SLC5A6: variants seen among roughly 807,000 people sequenced by gnomAD.
SLC5A6 encodes the protein solute carrier family 5 member 6, also known as sodium-dependent multivitamin transporter.
SLC5A6 carries 31 observed loss-of-function variants against 67.9 expected under a neutral mutation model. The ratio of observed to expected loss-of-function variants is 0.46; its 90% confidence interval spans 0.34 to 0.62. SLC5A6 has a LOEUF of 0.62. Ranked by LOEUF, SLC5A6 falls within the 20% of genes least tolerant of loss-of-function variation. The pLI, the probability that SLC5A6 is intolerant of heterozygous loss-of-function variation, is 0.01. For missense variants in SLC5A6, 673 were observed against 812.8 expected, an observed-to-expected ratio of 0.83 and a Z score of 2.09; for synonymous variants, 343 against 331.0, an observed-to-expected ratio of 1.04 and a Z score of -0.39.
At chr2:27,205,575 G>A in intron 6 of SLC5A6, 71 bp from the exon 7 acceptor site, 2 of 1,547,940 alleles carry the variant, frequency 1.3e-6, no homozygotes. Flanking sequence ...GCCTTATTTT[G>A]TTGTTGCTCC....
At chr2:27,206,702 G>C (rs555721920) in intron 4 of SLC5A6, among the ~76,000 whole-genome samples, 168 bp from the exon 5 acceptor site, 1 of 152,186 alleles carries the variant, frequency 6.6e-6, no homozygotes, top group East Asian at 1.9e-4. Context: ...TATCTGTGCT[G>C]GAATTGGAAG....
intron 7 of SLC5A6, 45 bp from the exon 8 acceptor site, chr2:27,204,976 C>G: frequency 1.2e-6 from 2 of 1,604,920 alleles, no homozygotes. Flanking sequence ...CTGAGAGACA[C>G]AGCCTTCCTG....
At chr2:27,206,192 G>T in intron 5 of SLC5A6, 99 bp from the exon 6 acceptor site, 1 of 1,002,610 alleles carries the variant, frequency 1.0e-6, no homozygotes, top group Non-Finnish European at 1.6e-6. Context: ...ATAAAGCATT[G>T]GTCATTAACA....
upstream of SLC5A6, chr2:27,212,782 T>A: frequency 1.4e-6 from 1 of 707,224 alleles, no homozygotes. Context: ...CCATATATCG[T>A]GCGGTGGTAG....
chr2:27,206,198 T>C (rs1445534497), intron 5 of SLC5A6, 105 bp from the exon 6 acceptor site: 5 of 968,892 alleles, frequency 5.2e-6, no homozygotes, highest in Non-Finnish European at 8.1e-6. Flanking sequence ...CATTGGTCAT[T>C]AACAATGAAA....
At position 27,207,590 on chromosome 2, in the gene SLC5A6, T is replaced by G; in HGVS notation, c.61A>C (p.Met21Leu). The change falls in exon 3 of 17, where the codon ATG becomes CTG. Residue 21 changes from methionine to leucine, a missense_variant. Physicochemically the swap from Met to Leu is conservative, Grantham distance 15. Coordinates refer to ENST00000310574, the MANE Select transcript of SLC5A6 (RefSeq NM_021095.4). This position sits in a 1 kb window ranked among gnomAD's most constrained non-coding sequence, Gnocchi z 5.5. ...TAGTCCATGATGGAGAAGGTAGACA[T>G]GCCCACGCTTGTGCCCGAGGTTGGG... ...LSPTSGTSVG[M>L]STFSIMDYVV... 2 of 1,614,226 alleles carry G rather than the reference T, an allele frequency of 1.2e-6. No homozygotes were observed. Among genetic ancestry groups the G allele is most frequent in the Non-Finnish European group, 1.7e-6 (2 of 1,180,038 alleles).
chr2:27,201,880 C>T (rs1673668371), intron 13 of SLC5A6, 33 bp from the exon 14 acceptor site: 2 of 1,611,828 alleles, frequency 1.2e-6, no homozygotes, highest in Admixed American at 1.7e-5. Context: ...TGTCACAAGG[C>T]CAGTCCTGCC....
chr2:27,203,377 CG>C, intron 10 of SLC5A6, 32 bp from the exon 11 acceptor site: 1 of 1,605,744 alleles, frequency 6.2e-7, no homozygotes, highest in Non-Finnish European at 8.5e-7. Flanking sequence ...AGGAGTTGAG[CG>C]AGGCAAAATT....
At chr2:27,210,597 ATT>A (rs764572434) in intron 2 of SLC5A6, among the ~76,000 whole-genome samples, 14 of 138,752 alleles carry the variant, frequency 1.0e-4, no homozygotes, top group Non-Finnish European at 1.3e-4. Context: ...CGCCCAGCTA[ATT>A]TTTTTTTTTT....
intron 10 of SLC5A6, 131 bp from the exon 11 acceptor site, chr2:27,203,476 T>A: frequency 1.3e-6 from 1 of 775,928 alleles, no homozygotes; most frequent in Non-Finnish European, 2.1e-6. Flanking sequence ...ATAGTTGGAC[T>A]TGATGCCACC....
rs1257450688 is a variant in SLC5A6 at position 27,212,097 on chromosome 2, G to A, written c.-285C>T. 2.1e-6 allele frequency: 3 copies of A among 1,426,742 alleles called. No homozygotes were observed. The highest frequency in any genetic ancestry group is 2.8e-5 in the East Asian group (1 of 36,300). 88.4% of individuals were successfully genotyped at this position (1,426,742 alleles called of 1,614,324 possible). ...GGACGCGGGGAACACCGGGCTGAGGGAGTCTGCAGTCGGCTCCGGGAAGCC... is the reference window on the plus strand; with the variant it reads ...GGACGCGGGGAACACCGGGCTGAGGAAGTCTGCAGTCGGCTCCGGGAAGCC... On this transcript the variant is annotated 5_prime_UTR_variant, in exon 1 of 17. Coordinates refer to ENST00000310574, the MANE Select transcript of SLC5A6 (RefSeq NM_021095.4).
chr2:27,212,394 T>C, upstream of SLC5A6: 2 of 1,551,064 alleles, frequency 1.3e-6, no homozygotes, highest in Non-Finnish European at 1.7e-6. Context: ...CCGGGTAGTC[T>C]TACGACCCTG....
Position 27,207,270 on chromosome 2 carries a change from G to A in SLC5A6, c.381C>T (p.Thr127=). The A allele has an allele frequency of 6.2e-7, 1 of 1,613,908 alleles. No individual in the cohort carries two copies. The highest frequency in any genetic ancestry group is 8.5e-7 in the Non-Finnish European group (1 of 1,180,012). The part of the protein sequence containing the change: ...FIPVFYRLHL[T]SAYEYLELRF... ...TGTCCCTGCTCACCTCATAGGCACT[G>A]GTGAGATGCAGGCGGTAGAAAACGG... The change falls in exon 3 of 17, where the codon ACC becomes ACT. Residue 127 remains threonine (T), a synonymous_variant. Transcript: ENST00000310574. The surrounding 1 kb of genome is among the most constrained non-coding windows in gnomAD (Gnocchi z 5.5).
chr2:27,207,832 G>A lies in SLC5A6; in HGVS notation c.-140-42C>T, dbSNP rs1674187465. 8 of 619,944 alleles carry A rather than the reference G, an allele frequency of 1.3e-5. No individual in the cohort carries two copies. The South Asian group carries it at 1.6e-4, about 12-fold the overall frequency. 38.4% of individuals were successfully genotyped at this position (619,944 alleles called of 1,614,324 possible). A position where few individuals can be genotyped will look rare whatever the true frequency, so the allele number is the denominator to read the frequency against. On this transcript the variant is annotated intron_variant, in intron 2 of 16. Coordinates refer to ENST00000310574, the MANE Select transcript of SLC5A6 (RefSeq NM_021095.4). This position sits in a 1 kb window ranked among gnomAD's most constrained non-coding sequence, Gnocchi z 5.5. Reference sequence around the variant, plus strand: ...TCTTAGTGAGGCCTATCTGGCCTTGGTAGCCATTCACCCTTGGGCCTTGTA... The same window carrying A: ...TCTTAGTGAGGCCTATCTGGCCTTGATAGCCATTCACCCTTGGGCCTTGTA...
At chr2:27,204,743 C>A (rs746143060) in intron 8 of SLC5A6, 48 bp downstream of exon 8, 1 of 1,609,142 alleles carries the variant, frequency 6.2e-7, no homozygotes, top group African/African-American at 1.3e-5. Flanking sequence ...CTCTGGGGAA[C>A]CCCTTCCCCT....
chr2:27,201,958 CAT>C (rs1673675796), intron 13 of SLC5A6, 28 bp downstream of exon 13: 7 of 1,609,504 alleles, frequency 4.3e-6, no homozygotes, highest in South Asian at 3.3e-5. Flanking sequence ...TCCTGCTACA[CAT>C]GACTGTGGAT....
chr2:27,212,273 C>G (rs1237766802), upstream of SLC5A6: 1 of 1,555,328 alleles, frequency 6.4e-7, no homozygotes, highest in Non-Finnish European at 8.7e-7. Context: ...TGGACCGGGC[C>G]GCTTAGGCCA....
In SLC5A6 at chr2:27,205,365, C is replaced by A. The variant is rs758228680; in HGVS notation, c.719G>T (p.Arg240Leu). Residue 240 changes from arginine (R) to leucine (L), a missense_variant, in exon 7 of 17, where the codon CGC (arginine) becomes CTC (leucine). By Grantham distance (102) the Arg-to-Leu change is moderately radical. Transcript: ENST00000310574. Reference protein sequence around the residue: ...RVWAVASQHGRISGFELDPDP... With the variant: ...RVWAVASQHGLISGFELDPDP... Reference sequence around the variant, plus strand: ...GTATACTTACTCAAACCCAGAGATGCGGCCGTGCTGGGAAGCCACGGCCCA... The same window carrying A: ...GTATACTTACTCAAACCCAGAGATGAGGCCGTGCTGGGAAGCCACGGCCCA... The A allele has an allele frequency of 6.2e-7, 1 of 1,613,978 alleles. No homozygotes were observed. The highest frequency in any genetic ancestry group is 1.3e-5 in the African/African-American group (1 of 74,908).
In SLC5A6 at chr2:27,200,449, T is replaced by C; in HGVS notation, c.1895A>G (p.Glu632Gly). ...CCTGAGTCAACATCACAGGGAGGTC[T>C]CCTGGAGGATGCAGGTGGAGCTGCT... is the stretch of plus-strand genomic sequence containing the variant. ...QGSSSTCILQ[E>G]TSL The change falls in exon 17 of 17, where the codon GAG (glutamate) becomes GGG (glycine). Residue 632 changes from glutamate (E) to glycine (G), a missense_variant. Coordinates refer to ENST00000310574, the MANE Select transcript of SLC5A6 (RefSeq NM_021095.4). The C allele has an allele frequency of 6.2e-7, 1 of 1,612,256 alleles. No individual in the cohort carries two copies. Among genetic ancestry groups the C allele is most frequent in the Non-Finnish European group, 8.5e-7 (1 of 1,178,964 alleles).
Sources: gnomAD v4.1 joint callset for allele counts (sites outside exome capture counted in the v4.1 genomes callset) on GRCh38, gnomAD v4.1.1 for gene constraint, Gnocchi (gnomAD v3.1) non-coding constraint, MANE v1.5 for transcripts, NCBI Gene and HGNC (gene_info 2026-07-23, HGNC 2026-07-21) for gene names.